HIBADH: variants seen among roughly 807,000 people sequenced by gnomAD.
HIBADH encodes 3-hydroxyisobutyrate dehydrogenase, also known as 3-hydroxyisobutyrate dehydrogenase, mitochondrial.
In HIBADH, 25 loss-of-function variants were observed where a neutral mutation model predicts 36.1. The observed-to-expected ratio is 0.69, with a 90% CI of 0.50 to 0.97. The LOEUF (loss-of-function observed/expected upper bound fraction) is 0.97. HIBADH is among the 50% of genes least tolerant of loss of function. The probability of loss-of-function intolerance (pLI) is 0.00; values close to 1 mark genes in which losing one functional copy is unlikely to be tolerated. For missense variants in HIBADH, 421 were observed against 418.0 expected, an observed-to-expected ratio of 1.01 and a Z score of -0.06; for synonymous variants, 160 against 149.5, an observed-to-expected ratio of 1.07 and a Z score of -0.51.
chr7:27,638,323 A>AAAAAAAAC (rs1293027717), intron 2 of HIBADH, among the ~76,000 whole-genome samples: 2 of 148,690 alleles, frequency 1.3e-5, no homozygotes, highest in Non-Finnish European at 3.0e-5. Flanking sequence ...AAAAAAAAAA[A>AAAAAAAAC]AAAAAAACAA....
rs375306282 is a variant in HIBADH at position 27,556,080 on chromosome 7, C to A, written c.485-12980G>T. Among the ~76,000 whole-genome samples the A allele has an allele frequency of 9.9e-5, 15 of 152,208 alleles. No homozygotes were observed. In the South Asian group the frequency reaches 3.1e-3, roughly 32 times the overall value. ...AAAAACATTCCACTTTGATAAATTACAGTATTTGAAAAAACGTCCACCATA... is the reference window on the plus strand; with the variant it reads ...AAAAACATTCCACTTTGATAAATTAAAGTATTTGAAAAAACGTCCACCATA... On this transcript the variant is annotated intron_variant, in intron 4 of 7. Coordinates refer to ENST00000265395, the MANE Select transcript of HIBADH (RefSeq NM_152740.4).
intron 4 of HIBADH, among the ~76,000 whole-genome samples, chr7:27,612,394 C>T (rs1233520415): frequency 1.3e-5 from 2 of 149,528 alleles, no homozygotes; most frequent in South Asian, 2.1e-4. Context: ...GGCTCGATGT[C>T]GGCTCACTGC....
At chr7:27,637,099 A>ACAG (rs758231031) in intron 2 of HIBADH, among the ~76,000 whole-genome samples, 2 of 152,170 alleles carry the variant, frequency 1.3e-5, no homozygotes, top group Non-Finnish European at 2.9e-5. Flanking sequence ...AGATACAGTA[A>ACAG]CAGCAGCAGC....
intron 4 of HIBADH, among the ~76,000 whole-genome samples, chr7:27,557,682 G>C (rs911952933): frequency 6.6e-6 from 1 of 152,112 alleles, no homozygotes; most frequent in Non-Finnish European, 1.5e-5. Flanking sequence ...AGGGCAAGCA[G>C]AACAAAATCC....
intron 4 of HIBADH, among the ~76,000 whole-genome samples, chr7:27,607,570 C>T (rs1785252250): frequency 6.6e-6 from 1 of 152,142 alleles, no homozygotes; most frequent in African/African-American, 2.4e-5. Flanking sequence ...AATTATGTCG[C>T]TGCTCTTATT....
intron 2 of HIBADH, among the ~76,000 whole-genome samples, chr7:27,647,035 T>C (rs1393911736): frequency 6.6e-6 from 1 of 152,158 alleles, no homozygotes; most frequent in Non-Finnish European, 1.5e-5. Flanking sequence ...TAAAGTTTAA[T>C]TTATAAATTA....
intron 4 of HIBADH, among the ~76,000 whole-genome samples, chr7:27,624,602 C>G (rs571219830): frequency 6.6e-6 from 1 of 152,298 alleles, no homozygotes; most frequent in South Asian, 2.1e-4. Flanking sequence ...TGCTGCTTAG[C>G]CCTAAGGTCA....
At chr7:27,599,314 T>C (rs1259701259) in intron 4 of HIBADH, among the ~76,000 whole-genome samples, 1 of 152,166 alleles carries the variant, frequency 6.6e-6, no homozygotes, top group Non-Finnish European at 1.5e-5. Flanking sequence ...TGCAGAAAAA[T>C]AGCAGAGCCA....
chr7:27,529,766 G>C (rs1302471370), intron 7 of HIBADH, among the ~76,000 whole-genome samples: 2 of 152,178 alleles, frequency 1.3e-5, no homozygotes, highest in Non-Finnish European at 1.5e-5. Flanking sequence ...TTCTACTGTG[G>C]GTAAAATGCT....
At chr7:27,556,538 CCTT>C (rs1784391193) in intron 4 of HIBADH, among the ~76,000 whole-genome samples, 1 of 152,060 alleles carries the variant, frequency 6.6e-6, no homozygotes, top group South Asian at 2.1e-4. Context: ...ATTTCTTTGG[CCTT>C]CTTACACATT....
At chr7:27,551,438 A>G (rs1784318708) in intron 4 of HIBADH, among the ~76,000 whole-genome samples, 1 of 152,220 alleles carries the variant, frequency 6.6e-6, no homozygotes, top group African/African-American at 2.4e-5. Context: ...GCTATTACAC[A>G]AATGTTATAA....
chr7:27,539,521 A>G (rs760951437), intron 5 of HIBADH, among the ~76,000 whole-genome samples: 1 of 152,146 alleles, frequency 6.6e-6, no homozygotes, highest in Non-Finnish European at 1.5e-5. Context: ...TTCAGTGTTC[A>G]GTATTGTTTA....
intron 4 of HIBADH, among the ~76,000 whole-genome samples, chr7:27,544,167 T>C (rs1583561487): frequency 6.6e-6 from 1 of 152,350 alleles, no homozygotes. Flanking sequence ...GGCCTGCTTT[T>C]GGATTTAATG....
rs145484578 is a variant in HIBADH, at chr7:27,632,344, C to G, written c.354G>C (p.Gly118=). 3 of 1,594,142 alleles carry G rather than the reference C, an allele frequency of 1.9e-6. No individual in the cohort carries two copies. The African/African-American group carries it at 4.0e-5, about 21-fold the overall frequency. The change falls in exon 3 of 8, where the codon GGG becomes GGC. Residue 118 remains glycine, a synonymous_variant. Transcript: ENST00000265395. ...NAIEAYSGAN[G]ILKKVKKGSL... ...AGGTGAGAAATACATACTTTAGAATCCCATTTGCTCCGGAATAAGCTTCTA... is the reference window on the plus strand; with the variant it reads ...AGGTGAGAAATACATACTTTAGAATGCCATTTGCTCCGGAATAAGCTTCTA...
At chr7:27,578,634 CAT>C (rs1281647697) in intron 4 of HIBADH, among the ~76,000 whole-genome samples, 1 of 151,950 alleles carries the variant, frequency 6.6e-6, no homozygotes, top group Non-Finnish European at 1.5e-5. Flanking sequence ...TACTTCTTAA[CAT>C]AAATTTCAAA....
At position 27,602,315 on chromosome 7, in the gene HIBADH, A is replaced by G. The variant is rs1366010205; in HGVS notation, c.484+27056T>C. ...GTTGACTTCTAGAAAATTCTGCACT[A>G]TAAAACTTTAAGGTGATTAGAGATG... On this transcript the variant is annotated intron_variant, in intron 4 of 7. Coordinates refer to ENST00000265395, the MANE Select transcript of HIBADH (RefSeq NM_152740.4). Among the ~76,000 whole-genome samples the G allele has an allele frequency of 2.6e-5, 4 of 152,180 alleles. No individual in the cohort carries two copies. The East Asian group carries it at 7.7e-4, about 29-fold the overall frequency.
At chr7:27,539,531 A>C (rs1269903621) in intron 5 of HIBADH, among the ~76,000 whole-genome samples, 1 of 152,112 alleles carries the variant, frequency 6.6e-6, no homozygotes, top group Non-Finnish European at 1.5e-5. Context: ...AGTATTGTTT[A>C]ATCATCTCTG....
chr7:27,598,336 T>C (rs912983000), intron 4 of HIBADH, among the ~76,000 whole-genome samples: 1 of 152,234 alleles, frequency 6.6e-6, no homozygotes, highest in Non-Finnish European at 1.5e-5. Context: ...TCCTTCATTA[T>C]CTAGATATTT....
chr7:27,660,560 G>A (rs1048411922), intron 1 of HIBADH, among the ~76,000 whole-genome samples: 2 of 152,082 alleles, frequency 1.3e-5, no homozygotes, highest in African/African-American at 2.4e-5. Flanking sequence ...AGGTACTCCG[G>A]AGGCTGAGGC....
Sources: gnomAD v4.1 joint callset for allele counts (sites outside exome capture counted in the v4.1 genomes callset) on GRCh38, gnomAD v4.1.1 for gene constraint, MANE v1.5 for transcripts, NCBI Gene and HGNC (gene_info 2026-07-23, HGNC 2026-07-21) for gene names.